DPY19L1: variants seen among roughly 807,000 people sequenced by gnomAD.
DPY19L1 encodes dpy-19 like C-mannosyltransferase 1, also known as protein C-mannosyl-transferase DPY19L1.
In DPY19L1, 35 loss-of-function variants were observed where a neutral mutation model predicts 96.9. That is an observed-to-expected ratio of 0.36 (90% CI 0.28 to 0.48). The LOEUF (loss-of-function observed/expected upper bound fraction) is 0.48, where lower values mean the gene tolerates loss of function less well. Ranked by LOEUF, DPY19L1 falls within the 20% of genes least tolerant of loss-of-function variation. The pLI, the probability that DPY19L1 is intolerant of heterozygous loss-of-function variation, is 0.99. For synonymous variants in DPY19L1, 205 were observed against 252.6 expected (o/e 0.81, Z 1.79); for missense variants, 521 against 777.9 (o/e 0.67, Z 3.93).
chr7:35,015,474 GTGCTCATTATAATACA>G (rs1785824374), intron 3 of DPY19L1, among the ~76,000 whole-genome samples: 1 of 152,148 alleles, frequency 6.6e-6, no homozygotes, highest in Non-Finnish European at 1.5e-5. Flanking sequence ...GTCATCCTTA[GTGCTCATTATAATACA>G]TTAGCATACT....
At chr7:34,995,919 G>A (rs1170593379) in intron 6 of DPY19L1, among the ~76,000 whole-genome samples, 2 of 145,048 alleles carry the variant, frequency 1.4e-5, no homozygotes, top group Non-Finnish European at 3.0e-5. Flanking sequence ...GCGGCGGTGG[G>A]GGGGGCGGTG....
intron 6 of DPY19L1, among the ~76,000 whole-genome samples, chr7:34,990,244 A>G (rs1437046972): frequency 6.6e-6 from 1 of 152,172 alleles, no homozygotes; most frequent in Non-Finnish European, 1.5e-5. Flanking sequence ...GCAACCTGAT[A>G]TTTCTTTTTA....
chr7:35,010,346 A>G (rs1785675824), intron 6 of DPY19L1, 122 bp downstream of exon 6: 7 of 615,864 alleles, frequency 1.1e-5, no homozygotes, highest in Non-Finnish European at 1.9e-5. Context: ...GAATTTTATG[A>G]TAATAAGATA....
At chr7:34,979,899 G>A (rs1469900391) in intron 7 of DPY19L1, among the ~76,000 whole-genome samples, 1 of 152,038 alleles carries the variant, frequency 6.6e-6, no homozygotes, top group Admixed American at 6.5e-5. Flanking sequence ...AGAGAGGGAA[G>A]TAGTGACAAA....
At position 34,929,710 on chromosome 7, in the gene DPY19L1, G is replaced by A. The variant is rs1284227785; in HGVS notation, c.*1863C>T. 2.0e-5 allele frequency: 3 copies of A among 152,296 alleles called. No individual in the cohort carries two copies. Among genetic ancestry groups the A allele is most frequent in the Non-Finnish European group, 4.4e-5 (3 of 68,048 alleles). 9.4% of individuals were successfully genotyped at this position (152,296 alleles called of 1,614,324 possible). A position where few individuals can be genotyped will look rare whatever the true frequency, so the allele number is the denominator to read the frequency against. On this transcript the variant is annotated 3_prime_UTR_variant, in exon 22 of 22. Coordinates refer to ENST00000638088, the MANE Select transcript of DPY19L1 (RefSeq NM_001366673.1). ...TCAACTCCCATCCTCAGCCTCAAGT[G>A]TCCACCGCCCATTTTCCTGGACTGT...
At chr7:34,942,562 C>T in intron 17 of DPY19L1, 53 bp downstream of exon 17, 12 of 1,413,918 alleles carry the variant, frequency 8.5e-6, no homozygotes, top group Non-Finnish European at 1.2e-5. Flanking sequence ...AAGGAAAGTC[C>T]AAATGCATGC....
rs1196725956 is a variant in DPY19L1, at chr7:34,931,091, T to G, written c.*482A>C. 1 of 152,546 alleles carries G rather than the reference T, an allele frequency of 6.6e-6. No individual in the cohort carries two copies. Among genetic ancestry groups the G allele is most frequent in the Non-Finnish European group, 1.5e-5 (1 of 68,274 alleles). The allele number at this position is 152,546 out of a possible 1,614,324, so 9.4% of individuals were successfully genotyped here. ...GCAAACACTCCATGTCTGCCCCATC[T>G]ACTGTAACTCAAGTTGATGACAGGG... On this transcript the variant is annotated 3_prime_UTR_variant, in exon 22 of 22. Coordinates refer to ENST00000638088, the MANE Select transcript of DPY19L1 (RefSeq NM_001366673.1).
intron 6 of DPY19L1, among the ~76,000 whole-genome samples, chr7:34,992,547 T>C (rs1280862690): frequency 1.2e-5 from 1 of 86,714 alleles, no homozygotes; most frequent in Non-Finnish European, 2.3e-5. Context: ...TCCTGCCTTT[T>C]TTTTTTTTTT....
chr7:34,969,574 A>G (rs1362452965), intron 8 of DPY19L1, 42 bp from the exon 9 acceptor site: 5 of 966,700 alleles, frequency 5.2e-6, no homozygotes, highest in Non-Finnish European at 4.5e-6. Flanking sequence ...TAAACACGAA[A>G]TAGTCTAGCA....
At chr7:34,965,686 A>G (rs1414074369) in intron 10 of DPY19L1, among the ~76,000 whole-genome samples, 1 of 152,204 alleles carries the variant, frequency 6.6e-6, no homozygotes, top group Non-Finnish European at 1.5e-5. Flanking sequence ...TATTAAGAAA[A>G]TGAAAATAAT....
intron 7 of DPY19L1, among the ~76,000 whole-genome samples, chr7:34,974,600 CCT>C (rs1784794942): frequency 3.9e-5 from 6 of 152,224 alleles, no homozygotes; most frequent in African/African-American, 1.4e-4. Flanking sequence ...GAAAAGGTCC[CCT>C]GATAATGTAT....
rs1013140109 is a variant in DPY19L1 at position 34,939,223 on chromosome 7, A to C, written c.1964+53T>G. On this transcript the variant is annotated intron_variant, in intron 20 of 21. Transcript: ENST00000638088. ...ATTACTTTGCTGGTGTCCTCCACTC[A>C]CTGTCTGTTTGCATGGGAGGTTTGT... The C allele has an allele frequency of 5.3e-6, 8 of 1,506,176 alleles. No individual in the cohort carries two copies. In the African/African-American group the frequency reaches 9.7e-5, roughly 18 times the overall value. The allele number at this position is 1,506,176 out of a possible 1,614,324, so 93.3% of individuals were successfully genotyped here. A position where few individuals can be genotyped will look rare whatever the true frequency, so the allele number is the denominator to read the frequency against.
intron 6 of DPY19L1, among the ~76,000 whole-genome samples, chr7:34,993,996 G>C (rs933533858): frequency 6.6e-5 from 10 of 152,160 alleles, no homozygotes; most frequent in African/African-American, 2.4e-4. Context: ...AACCGGGAAG[G>C]TGGAGGCTAC....
At chr7:34,972,879 TGA>T (rs1784752785) in intron 8 of DPY19L1, among the ~76,000 whole-genome samples, 1 of 152,184 alleles carries the variant, frequency 6.6e-6, no homozygotes, top group Non-Finnish European at 1.5e-5. Flanking sequence ...AAAAGCCATG[TGA>T]TGGTTCTATA....
At chr7:35,025,352 C>A (rs1196534453) in intron 1 of DPY19L1, among the ~76,000 whole-genome samples, 1 of 152,018 alleles carries the variant, frequency 6.6e-6, no homozygotes, top group Admixed American at 6.6e-5. Context: ...AAGATAAAAT[C>A]TTTGAGAGAT....
intron 14 of DPY19L1, among the ~76,000 whole-genome samples, chr7:34,948,812 T>C (rs576023769): frequency 6.6e-6 from 1 of 152,368 alleles, no homozygotes; most frequent in Non-Finnish European, 1.5e-5. Context: ...TCAGCCACTG[T>C]GTGTCAAAAC....
chr7:35,027,978 G>C (rs1337127543), intron 1 of DPY19L1, among the ~76,000 whole-genome samples: 2 of 152,174 alleles, frequency 1.3e-5, no homozygotes, highest in Non-Finnish European at 2.9e-5. Context: ...CATATATTTT[G>C]CATTAAGCAA....
chr7:34,969,577 G>C, intron 8 of DPY19L1, 45 bp from the exon 9 acceptor site: 1 of 951,576 alleles, frequency 1.1e-6, no homozygotes, highest in Non-Finnish European at 1.5e-6. Flanking sequence ...ACACGAAATA[G>C]TCTAGCATGG....
intron 10 of DPY19L1, among the ~76,000 whole-genome samples, chr7:34,965,571 A>G (rs1406809542): frequency 2.0e-5 from 3 of 152,178 alleles, no homozygotes; most frequent in South Asian, 2.1e-4. Flanking sequence ...AAAAGTAACA[A>G]TAAAGTTCTA....
Sources: allele counts gnomAD v4.1 joint callset (sites outside exome capture counted in the v4.1 genomes callset), GRCh38; gene constraint gnomAD v4.1.1; transcripts MANE v1.5; gene names NCBI Gene and HGNC (gene_info 2026-07-23, HGNC 2026-07-21).